ARIH1: variants seen among roughly 807,000 people sequenced by gnomAD.
The protein encoded by ARIH1 is ariadne RBR E3 ubiquitin protein ligase 1.
A neutral mutation model predicts 85.0 loss-of-function variants in ARIH1; 8 were observed. The observed-to-expected ratio is 0.09, with a 90% confidence interval of 0.06 to 0.17. The LOEUF is 0.17. Ranked by LOEUF, ARIH1 falls within the 10% of genes least tolerant of loss-of-function variation. The pLI is 1.00. For synonymous variants in ARIH1, 238 were observed against 253.6 expected, an observed-to-expected ratio of 0.94 and a Z score of 0.59; for missense variants, 311 against 718.1, an observed-to-expected ratio of 0.43 and a Z score of 6.48.
At position 72,551,092 on chromosome 15, in the gene ARIH1, A is replaced by G. The variant is rs1157121020; in HGVS notation, c.589-4179A>G. Among the ~76,000 whole-genome samples, 7 of 152,232 alleles carry G rather than the reference A, an allele frequency of 4.6e-5. No homozygotes were observed. The East Asian group carries it at 1.2e-3, about 25-fold the overall frequency. ...TCTAATATCATAAGTAACATCAGAA[A>G]TTTTATAAGTACATGTCACATAATG... On this transcript the variant is annotated intron_variant, in intron 3 of 13. Coordinates refer to ENST00000379887, the MANE Select transcript of ARIH1 (RefSeq NM_005744.5).
chr15:72,502,799 C>T (rs2063909152), intron 1 of ARIH1, among the ~76,000 whole-genome samples: 1 of 152,044 alleles, frequency 6.6e-6, no homozygotes, highest in African/African-American at 2.4e-5. Context: ...GAGCCAGACC[C>T]TGTCTTAAAT....
At chr15:72,514,427 G>T (rs1409425815) in intron 1 of ARIH1, among the ~76,000 whole-genome samples, 1 of 151,904 alleles carries the variant, frequency 6.6e-6, no homozygotes, top group Non-Finnish European at 1.5e-5. Context: ...TTTCTTTTTT[G>T]AGAATTTCAG....
At chr15:72,532,471 G>A (rs1012421730) in intron 2 of ARIH1, among the ~76,000 whole-genome samples, 7 of 152,010 alleles carry the variant, frequency 4.6e-5, no homozygotes, top group African/African-American at 1.7e-4. Flanking sequence ...AATTCAAATG[G>A]TTATACTGGA....
intron 11 of ARIH1, among the ~76,000 whole-genome samples, chr15:72,577,690 A>G (rs1299624470): frequency 6.6e-6 from 1 of 152,034 alleles, no homozygotes; most frequent in Non-Finnish European, 1.5e-5. Flanking sequence ...AAAACAAACA[A>G]ACAAAAAAAC....
intron 1 of ARIH1, among the ~76,000 whole-genome samples, chr15:72,485,735 A>G (rs959004807): frequency 6.6e-6 from 1 of 152,194 alleles, no homozygotes; most frequent in Admixed American, 6.5e-5. Flanking sequence ...TATAATAGGC[A>G]TAGTATCATA....
In ARIH1 at chr15:72,480,440, T is replaced by C. The variant is rs184623226; in HGVS notation, c.375+5426T>C. Among the ~76,000 whole-genome samples, 200 of 151,970 alleles carry C rather than the reference T, an allele frequency of 1.3e-3. 1 individual carries two copies. The highest frequency in any genetic ancestry group is 4.7e-3 in the African/African-American group (193 of 41,430). On this transcript the variant is annotated intron_variant, in intron 1 of 13. Coordinates refer to ENST00000379887, the MANE Select transcript of ARIH1 (RefSeq NM_005744.5). ...CCACACCCAGCTATTTTTTGTATTT[T>C]ATTAGAGATGAGGTTTCACCATGTT... is the stretch of plus-strand genomic sequence containing the variant.
intron 1 of ARIH1, among the ~76,000 whole-genome samples, chr15:72,481,906 G>T (rs572762632): frequency 1.1e-4 from 16 of 151,830 alleles, no homozygotes; most frequent in Non-Finnish European, 1.6e-4. Context: ...GCGCCATCTC[G>T]GCTCACTGCA....
Position 72,584,743 on chromosome 15 carries a change from A to C in ARIH1, c.*1451A>C, listed in dbSNP as rs796525484. 9.9e-5 allele frequency: 15 copies of C among 152,066 alleles called. No homozygotes were observed. The highest frequency in any genetic ancestry group is 3.6e-4 in the African/African-American group (15 of 41,446). The allele number at this position is 152,066 out of a possible 1,614,324, so 9.4% of individuals were successfully genotyped here. A position where few individuals can be genotyped will look rare whatever the true frequency, so the allele number is the denominator to read the frequency against. ...ATAATGCATTTTAGCTGTGATGTCC[A>C]TTTTTATGAAATTCCTACTAAGAGC... On this transcript the variant is annotated 3_prime_UTR_variant, in exon 14 of 14. Coordinates refer to ENST00000379887, the MANE Select transcript of ARIH1 (RefSeq NM_005744.5).
At chr15:72,579,285 A>G (rs1438866451) in intron 11 of ARIH1, among the ~76,000 whole-genome samples, 1 of 151,972 alleles carries the variant, frequency 6.6e-6, no homozygotes. Flanking sequence ...TTGCAACTGC[A>G]TGGTGTCATT....
intron 2 of ARIH1, among the ~76,000 whole-genome samples, chr15:72,544,254 G>A (rs191078754): frequency 9.2e-5 from 14 of 151,948 alleles, no homozygotes; most frequent in East Asian, 3.8e-4. Context: ...AATGAGACAC[G>A]TAATAATTAT....
intron 2 of ARIH1, among the ~76,000 whole-genome samples, chr15:72,519,650 A>C (rs1267733939): frequency 6.6e-6 from 1 of 151,174 alleles, no homozygotes; most frequent in East Asian, 1.9e-4. Flanking sequence ...TGCCTGGCTA[A>C]TTTTTGTATT....
At position 72,580,922 on chromosome 15, in the gene ARIH1, T is replaced by C. The variant is rs375486543; in HGVS notation, c.1407T>C (p.Arg469=). 6.2e-6 allele frequency: 10 copies of C among 1,614,150 alleles called. No individual in the cohort carries two copies. Among genetic ancestry groups the C allele is most frequent in the Non-Finnish European group, 8.5e-6 (10 of 1,179,988 alleles). ...KKAVDVLCQC[R]ATLMYTYVFA... ...CAGTTGATGTCCTCTGCCAGTGTCG[T>C]GCCACACTCATGTACACTTATGTCT... The change falls in exon 12 of 14, where the codon CGT becomes CGC. Residue 469 remains arginine (R), a synonymous_variant. Coordinates refer to ENST00000379887, the MANE Select transcript of ARIH1 (RefSeq NM_005744.5).
intron 2 of ARIH1, among the ~76,000 whole-genome samples, chr15:72,532,795 A>C (rs1394114569): frequency 6.6e-6 from 1 of 152,278 alleles, no homozygotes; most frequent in Non-Finnish European, 1.5e-5. Context: ...AGGTTGGTTT[A>C]ACCTGAAACA....
chr15:72,557,828 A>AT (rs2064181471), intron 5 of ARIH1, among the ~76,000 whole-genome samples: 1 of 152,154 alleles, frequency 6.6e-6, no homozygotes, highest in South Asian at 2.1e-4. Flanking sequence ...GGATTGCATT[A>AT]TTAATTTGGC....
chr15:72,520,837 GA>G (rs2063996338), intron 2 of ARIH1, among the ~76,000 whole-genome samples: 1 of 151,624 alleles, frequency 6.6e-6, no homozygotes, highest in Non-Finnish European at 1.5e-5. Context: ...GTTGATGTTT[GA>G]ATTTTTTTTT....
In ARIH1 at chr15:72,544,895, C is replaced by G; in HGVS notation, c.519C>G (p.Arg173=). 1.2e-6 allele frequency: 2 copies of G among 1,613,620 alleles called. No individual in the cohort carries two copies. The highest frequency in any genetic ancestry group is 1.7e-6 in the Non-Finnish European group (2 of 1,179,636). The part of the protein sequence containing the change: ...VINPSKKSRT[R]QMNTRSSAQD... ...ATCCAAGTAAAAAGTCTCGAACACG[C>G]CAGATGAATACAAGGTCATCAGCAC... The change falls in exon 3 of 14, where the codon CGC becomes CGG. Residue 173 remains arginine (R), a synonymous_variant. Coordinates refer to ENST00000379887, the MANE Select transcript of ARIH1 (RefSeq NM_005744.5).
chr15:72,544,209 C>T lies in ARIH1; in HGVS notation c.444-611C>T, dbSNP rs551941264. On this transcript the variant is annotated intron_variant, in intron 2 of 13. Transcript: ENST00000379887. ...CTTTCTCAGTAAATTAAAAATATTTCAAAATAATGTTTAGAAAGCAAGTCT... is the reference window on the plus strand; with the variant it reads ...CTTTCTCAGTAAATTAAAAATATTTTAAAATAATGTTTAGAAAGCAAGTCT... 5.4e-4 allele frequency among the ~76,000 whole-genome samples: 82 copies of T among 151,994 alleles called. 1 individual carries two copies. The South Asian group carries it at 0.011, about 20-fold the overall frequency.
intron 1 of ARIH1, among the ~76,000 whole-genome samples, chr15:72,483,786 T>C (rs899454366): frequency 1.4e-4 from 19 of 135,760 alleles, no homozygotes; most frequent in Admixed American, 1.4e-3. Flanking sequence ...AATTTGAGAT[T>C]CTCCAGTTTA....
chr15:72,587,707 A>G lies in ARIH1; in HGVS notation c.*4415A>G, dbSNP rs1399659246. 6.5e-6 allele frequency: 1 copy of G among 153,402 alleles called. No homozygotes were observed. The highest frequency in any genetic ancestry group is 1.4e-5 in the Non-Finnish European group (1 of 68,972). 9.5% of individuals were successfully genotyped at this position (153,402 alleles called of 1,614,324 possible). A position where few individuals can be genotyped will look rare whatever the true frequency, so the allele number is the denominator to read the frequency against. On this transcript the variant is annotated 3_prime_UTR_variant, in exon 14 of 14. Coordinates refer to ENST00000379887, the MANE Select transcript of ARIH1 (RefSeq NM_005744.5). ...TATATCTTTGGGGATAAAGTTGGTT[A>G]TATCTGGTTTATTTTAGGGATTTTG... is the stretch of plus-strand genomic sequence containing the variant.
Sources: gnomAD v4.1 joint callset for allele counts (sites outside exome capture counted in the v4.1 genomes callset) on GRCh38, gnomAD v4.1.1 for gene constraint, MANE v1.5 for transcripts, NCBI Gene and HGNC (gene_info 2026-07-23, HGNC 2026-07-21) for gene names.